Variants in RBFOX1 observed in about 807,000 individuals in gnomAD.
The protein encoded by RBFOX1 is RNA binding protein fox-1 homolog 1.
A neutral mutation model predicts 57.7 loss-of-function variants in RBFOX1; 8 were observed. The observed-to-expected ratio is 0.14, with a 90% confidence interval of 0.08 to 0.25. The LOEUF (loss-of-function observed/expected upper bound fraction) is 0.25. Ranked by LOEUF, RBFOX1 falls within the 10% of genes least tolerant of loss-of-function variation. The pLI is 1.00. For missense variants in RBFOX1, 611 were observed against 548.5 expected, an observed-to-expected ratio of 1.11 and a Z score of -1.14; for synonymous variants, 326 against 222.4, an observed-to-expected ratio of 1.47 and a Z score of -4.15.
chr16:5,333,136 C>T (rs1209967197), intron 1 of RBFOX1, among the ~76,000 whole-genome samples: 8 of 151,828 alleles, frequency 5.3e-5, no homozygotes, highest in African/African-American at 1.5e-4. Flanking sequence ...TGCAGTGAGC[C>T]GAGATCATGC....
intron 1 of RBFOX1, among the ~76,000 whole-genome samples, chr16:5,358,317 G>A (rs2065450450): frequency 6.6e-6 from 1 of 151,886 alleles, no homozygotes; most frequent in Non-Finnish European, 1.5e-5. Flanking sequence ...ATGACCTACT[G>A]TAATCTTTTT....
intron 1 of RBFOX1, among the ~76,000 whole-genome samples, chr16:6,175,129 C>G (rs543046632): frequency 2.0e-5 from 3 of 152,170 alleles, no homozygotes; most frequent in African/African-American, 7.2e-5. Context: ...ATAGTAAATG[C>G]TTGTTAAAGG....
intron 3 of RBFOX1, among the ~76,000 whole-genome samples, chr16:5,747,690 A>T (rs1400093467): frequency 1.3e-5 from 2 of 151,872 alleles, no homozygotes; most frequent in Non-Finnish European, 2.9e-5. Flanking sequence ...CTATTCTTTG[A>T]TGGTAGTATT....
chr16:7,054,540 C>T (rs1334801513), intron 4 of RBFOX1, among the ~76,000 whole-genome samples: 1 of 48,416 alleles, frequency 2.1e-5, no homozygotes, highest in Non-Finnish European at 6.5e-5. Context: ...TGCGCCAAAC[C>T]TGGGTGGGGG....
At position 5,925,856 on chromosome 16, in the gene RBFOX1, G is replaced by A. The variant is rs566992302; in HGVS notation, c.351+58521G>A. Among the ~76,000 whole-genome samples, 13 of 152,236 alleles carry A rather than the reference G, an allele frequency of 8.5e-5. No individual in the cohort carries two copies. The East Asian group carries it at 2.1e-3, about 25-fold the overall frequency. ...CAAATAACTACCTGGGCCCCTCTCA[G>A]CACTGCTACCTTGGGCAGTGTTTCA... is the stretch of plus-strand genomic sequence containing the variant. On this transcript the variant is annotated intron_variant, in intron 4 of 19. Coordinates refer to the RBFOX1 transcript ENST00000641259.
chr16:7,151,100 C>T (rs1402681014), intron 4 of RBFOX1, among the ~76,000 whole-genome samples: 1 of 152,150 alleles, frequency 6.6e-6, no homozygotes, highest in Non-Finnish European at 1.5e-5. Context: ...CTTTCAGGAA[C>T]TGTTTTATTA....
intron 2 of RBFOX1, among the ~76,000 whole-genome samples, chr16:6,622,162 C>G (rs1293356079): frequency 1.3e-5 from 2 of 152,102 alleles, no homozygotes; most frequent in South Asian, 4.1e-4. Context: ...AATGATAGCA[C>G]AAAATATTGC....
intron 4 of RBFOX1, among the ~76,000 whole-genome samples, chr16:7,210,426 T>C (rs2090902151): frequency 6.6e-6 from 1 of 152,074 alleles, no homozygotes; most frequent in African/African-American, 2.4e-5. Flanking sequence ...CTTTTTCCAA[T>C]TGCACTACAC....
intron 3 of RBFOX1, among the ~76,000 whole-genome samples, chr16:7,001,378 A>C (rs937373154): frequency 2.3e-5 from 3 of 128,402 alleles, no homozygotes; most frequent in African/African-American, 1.2e-4. Context: ...GTGTATGTGT[A>C]TGTGTATGTG....
At chr16:5,455,157 C>G (rs2068592165) in intron 1 of RBFOX1, among the ~76,000 whole-genome samples, 1 of 151,530 alleles carries the variant, frequency 6.6e-6, no homozygotes, top group Admixed American at 6.6e-5. Context: ...AATGACTTGA[C>G]TCTACTCCAC....
chr16:6,773,277 AAG>A (rs2078718919), intron 3 of RBFOX1, among the ~76,000 whole-genome samples: 1 of 51,380 alleles, frequency 1.9e-5, no homozygotes, highest in Non-Finnish European at 3.8e-5. Context: ...GTGTGTGTGT[AAG>A]TGTATGTGTG....
At chr16:5,255,371 T>C (rs1246403746) in intron 1 of RBFOX1, among the ~76,000 whole-genome samples, 7 of 151,520 alleles carry the variant, frequency 4.6e-5, no homozygotes, top group Non-Finnish European at 1.0e-4. Context: ...CATCCATCCA[T>C]CCATCCATCC....
intron 11 of RBFOX1, among the ~76,000 whole-genome samples, chr16:7,638,658 A>T (rs1267779644): frequency 6.6e-6 from 1 of 152,214 alleles, no homozygotes; most frequent in East Asian, 1.9e-4. Context: ...TTTACAGGCC[A>T]TCTAGCCTCT....
chr16:7,304,113 A>T, intron 4 of RBFOX1: 1 of 722,528 alleles, frequency 1.4e-6, no homozygotes, highest in Non-Finnish European at 1.7e-6. Context: ...GAACGCCGGG[A>T]TCTAGCACAT....
chr16:6,694,990 A>T (rs1263679107), intron 3 of RBFOX1, among the ~76,000 whole-genome samples: 2 of 152,166 alleles, frequency 1.3e-5, no homozygotes, highest in Non-Finnish European at 2.9e-5. Context: ...GAAGGGAAAA[A>T]AATGACACAT....
chr16:6,882,028 C>T (rs1309811941), intron 3 of RBFOX1, among the ~76,000 whole-genome samples: 1 of 152,142 alleles, frequency 6.6e-6, no homozygotes, highest in South Asian at 2.1e-4. Flanking sequence ...AGACTCTAGA[C>T]TTCATTTCTG....
rs1346366035 is a variant in RBFOX1, at chr16:6,019,809, C to T, written c.-310C>T. On this transcript the variant is annotated 5_prime_UTR_variant, in exon 1 of 16. Coordinates refer to ENST00000550418, the MANE Select transcript of RBFOX1 (RefSeq NM_018723.4). The surrounding 1 kb of genome is among the most constrained non-coding windows in gnomAD (Gnocchi z 4.2). ...CGCCTGTCCGGACCCTCGCCGCGCC[C>T]AGGCAGGCGCGCCAGGGCGGGGCTG... The T allele has an allele frequency of 3.7e-5, 55 of 1,497,070 alleles. No homozygotes were observed. The East Asian group carries it at 1.2e-3, about 34-fold the overall frequency. 92.7% of individuals were successfully genotyped at this position (1,497,070 alleles called of 1,614,324 possible). A position where few individuals can be genotyped will look rare whatever the true frequency, so the allele number is the denominator to read the frequency against.
At chr16:7,389,929 C>G (rs542964855) in intron 4 of RBFOX1, among the ~76,000 whole-genome samples, 4 of 152,140 alleles carry the variant, frequency 2.6e-5, no homozygotes, top group African/African-American at 9.6e-5. Context: ...AAAGAGATAC[C>G]TGAGTCTGGG....
At chr16:7,564,674 T>C (rs2091267665) in intron 5 of RBFOX1, among the ~76,000 whole-genome samples, 1 of 152,118 alleles carries the variant, frequency 6.6e-6, no homozygotes, top group African/African-American at 2.4e-5. Context: ...TAAATGTCTG[T>C]TGTTTAAACC....
Sources: allele counts gnomAD v4.1 joint callset (sites outside exome capture counted in the v4.1 genomes callset), GRCh38; gene constraint gnomAD v4.1.1; non-coding constraint Gnocchi (gnomAD v3.1); transcripts MANE v1.5; gene names NCBI Gene and HGNC (gene_info 2026-07-23, HGNC 2026-07-21).